The following SBNO2 variants were observed in gnomAD, a reference collection of about 807,000 sequenced individuals.
SBNO2 encodes protein strawberry notch homolog 2.
In SBNO2, 89 loss-of-function variants were observed where a neutral mutation model predicts 146.3. The observed-to-expected ratio is 0.61, with a 90% CI of 0.51 to 0.73. SBNO2 has a LOEUF of 0.73. Among genes scored for constraint, SBNO2 ranks in the 30% least tolerant of loss-of-function variants. The pLI, the probability that SBNO2 is intolerant of heterozygous loss-of-function variation, is 0.00. For synonymous variants in SBNO2, 1,147 were observed against 892.6 expected, an observed-to-expected ratio of 1.29 and a Z score of -5.08; for missense variants, 2,092 against 2,003.7, an observed-to-expected ratio of 1.04 and a Z score of -0.84.
chr19:1,133,803 C>T (rs901453184), intron 4 of SBNO2, among the ~76,000 whole-genome samples: 4 of 152,242 alleles, frequency 2.6e-5, no homozygotes, highest in Non-Finnish European at 5.9e-5. Flanking sequence ...CAATCACAGC[C>T]ACTCCCAGAG....
rs764528439 is a variant in SBNO2, at chr19:1,147,434, G to T, written c.168-14C>A. On this transcript the variant is annotated splice_polypyrimidine_tract_variant and intron_variant, in intron 3 of 31. Transcript: ENST00000361757. ...CTCATGAACGGGCTGGAGGGAGATG[G>T]GGGGGGGGGAGGTGAGATGGGGTGC... The T allele has an allele frequency of 5.3e-6, 6 of 1,133,342 alleles. No homozygotes were observed. Among genetic ancestry groups the T allele is most frequent in the Non-Finnish European group, 6.0e-6 (5 of 838,408 alleles). 70.2% of individuals were successfully genotyped at this position (1,133,342 alleles called of 1,614,324 possible).
intron 4 of SBNO2, among the ~76,000 whole-genome samples, chr19:1,146,350 T>G (rs1165900438): frequency 2.0e-5 from 3 of 152,084 alleles, no homozygotes; most frequent in African/African-American, 4.8e-5. Flanking sequence ...GGCGAGCTGT[T>G]TGCAGGGCCT....
intron 14 of SBNO2, among the ~76,000 whole-genome samples, chr19:1,117,976 G>A (rs753118999): frequency 3.9e-5 from 6 of 152,214 alleles, no homozygotes; most frequent in Non-Finnish European, 7.3e-5. Flanking sequence ...TGCTCAGGAC[G>A]GCCCCACCCC....
In SBNO2 at chr19:1,118,993, T is replaced by C; in HGVS notation, c.1527+18A>G. 6.4e-7 allele frequency: 1 copy of C among 1,568,588 alleles called. No individual in the cohort carries two copies. The highest frequency in any genetic ancestry group is 2.3e-5 in the East Asian group (1 of 43,492). On this transcript the variant is annotated intron_variant, in intron 14 of 31. Coordinates refer to ENST00000361757, the MANE Select transcript of SBNO2 (RefSeq NM_014963.3). ...CGGGAAACGCACAGGGGTCCCCGGG[T>C]CGGGTGCGCAGGCTCACCAGCAGGG...
chr19:1,128,968 CAA>C (rs55815908), intron 4 of SBNO2, among the ~76,000 whole-genome samples: 137 of 140,134 alleles, frequency 9.8e-4, no homozygotes, highest in Middle Eastern at 3.6e-3. Flanking sequence ...GACTCTGTCT[CAA>C]AAAAAAAAAA....
chr19:1,122,022 T>A, intron 11 of SBNO2, 117 bp downstream of exon 11: 5 of 379,310 alleles, frequency 1.3e-5, no homozygotes, highest in East Asian at 9.7e-5. Flanking sequence ...TCCTACCCTC[T>A]CCCATCCTGC....
intron 15 of SBNO2, 140 bp from the exon 16 acceptor site, chr19:1,117,066 C>T: frequency 1.2e-6 from 1 of 842,424 alleles, no homozygotes; most frequent in Non-Finnish European, 1.8e-6. Flanking sequence ...CACGGCCCCC[C>T]TACAACACAC....
chr19:1,123,389 G>T, intron 7 of SBNO2, 145 bp downstream of exon 7: 1 of 698,194 alleles, frequency 1.4e-6, no homozygotes, highest in Non-Finnish European at 2.4e-6. Flanking sequence ...AGCCTGGATT[G>T]TAGAACCTGT....
At chr19:1,118,510 G>A (rs2079859747) in intron 14 of SBNO2, among the ~76,000 whole-genome samples, 2 of 152,186 alleles carry the variant, frequency 1.3e-5, no homozygotes, top group African/African-American at 4.8e-5. Flanking sequence ...GGGGGCAAAG[G>A]GCTTGGGCAC....
At chr19:1,161,952 G>A (rs1413111924) in intron 1 of SBNO2, among the ~76,000 whole-genome samples, 1 of 129,264 alleles carries the variant, frequency 7.7e-6, no homozygotes, top group African/African-American at 3.0e-5. Flanking sequence ...GGGAGGAGCC[G>A]ACATACAGCT....
chr19:1,111,109 C>A lies in SBNO2; in HGVS notation c.2810-16G>T, dbSNP rs774145770. On this transcript the variant is annotated splice_polypyrimidine_tract_variant and intron_variant, in intron 24 of 31. Coordinates refer to ENST00000361757, the MANE Select transcript of SBNO2 (RefSeq NM_014963.3). ...TGCTTCATGTCTGCGGGGAGAGGGGCCTCACATGCTGGTCTTCCCACCCCT... is the reference window on the plus strand; with the variant it reads ...TGCTTCATGTCTGCGGGGAGAGGGGACTCACATGCTGGTCTTCCCACCCCT... 1.9e-6 allele frequency: 3 copies of A among 1,542,840 alleles called. No individual in the cohort carries two copies. The highest frequency in any genetic ancestry group is 1.7e-4 in the Middle Eastern group (1 of 5,940).
In SBNO2 at chr19:1,109,532, A is replaced by G; in HGVS notation, c.3190T>C (p.Tyr1064His). ...FAKSLALTGP[Y>H]DGFYLSYKVR... ...TTGTAGGAGAGGTAGAAGCCGTCAT[A>G]GGGGCCCGTCAGCGCCAGCGACTTG... Residue 1064 changes from tyrosine (Y) to histidine (H), a missense_variant, in exon 28 of 32, where the codon TAT becomes CAT. Physicochemically the swap from Tyr to His is moderately conservative, Grantham distance 83. Transcript: ENST00000361757. The surrounding 1 kb of genome is among the most constrained non-coding windows in gnomAD (Gnocchi z 4.2). 6.3e-7 allele frequency: 1 copy of G among 1,599,314 alleles called. No homozygotes were observed. Among genetic ancestry groups the G allele is most frequent in the Non-Finnish European group, 8.5e-7 (1 of 1,174,458 alleles).
chr19:1,117,200 T>C, intron 15 of SBNO2, 123 bp downstream of exon 15: 1 of 1,037,126 alleles, frequency 9.6e-7, no homozygotes, highest in Non-Finnish European at 1.4e-6. Context: ...CGGGCGTCTC[T>C]CACCCACCAG....
intron 4 of SBNO2, among the ~76,000 whole-genome samples, chr19:1,143,284 C>G (rs896155217): frequency 6.6e-6 from 1 of 152,126 alleles, no homozygotes; most frequent in Admixed American, 6.5e-5. Context: ...TTGAGACCAG[C>G]CTAGGCAACA....
intron 2 of SBNO2, among the ~76,000 whole-genome samples, chr19:1,152,747 C>T (rs929732507): frequency 5.3e-5 from 8 of 152,292 alleles, no homozygotes; most frequent in African/African-American, 1.7e-4. Flanking sequence ...CTGTGATGTT[C>T]GCCCCACAGG....
chr19:1,133,637 A>T (rs1417507205), intron 4 of SBNO2, among the ~76,000 whole-genome samples: 1 of 152,164 alleles, frequency 6.6e-6, no homozygotes, highest in Non-Finnish European at 1.5e-5. Context: ...CCCGCCTGCC[A>T]GGCACCCCGC....
At chr19:1,118,103 A>G (rs536981021) in intron 14 of SBNO2, among the ~76,000 whole-genome samples, 2 of 152,332 alleles carry the variant, frequency 1.3e-5, no homozygotes, top group African/African-American at 4.8e-5. Context: ...TGGGAGGCTG[A>G]GGCGGTCAGA....
chr19:1,117,179 AGACG>A, intron 15 of SBNO2, 140 bp downstream of exon 15: 1 of 881,442 alleles, frequency 1.1e-6, no homozygotes, highest in Non-Finnish European at 1.7e-6. Context: ...TCTGATTGGA[AGACG>A]GACATCCGGG....
chr19:1,114,717 C>T (rs1375413894), intron 17 of SBNO2, among the ~76,000 whole-genome samples: 4 of 152,220 alleles, frequency 2.6e-5, no homozygotes, highest in Non-Finnish European at 5.9e-5. Context: ...TCACTGCACT[C>T]TCTGCCTCCT....
Sources: gnomAD v4.1 joint callset for allele counts (sites outside exome capture counted in the v4.1 genomes callset) on GRCh38, gnomAD v4.1.1 for gene constraint, Gnocchi (gnomAD v3.1) non-coding constraint, MANE v1.5 for transcripts, NCBI Gene and HGNC (gene_info 2026-07-23, HGNC 2026-07-21) for gene names.